Variants in ZFP91 observed in about 807,000 individuals in gnomAD.
ZFP91 encodes the protein ZFP91 zinc finger protein, atypical E3 ubiquitin ligase, also known as E3 ubiquitin-protein ligase ZFP91.
Under a neutral mutation model 63.5 loss-of-function variants are expected in ZFP91, and 7 were observed. That is an observed-to-expected ratio of 0.11 (90% CI 0.06 to 0.21). The LOEUF is 0.21. ZFP91 is among the 10% of genes least tolerant of loss of function. ZFP91 has a pLI of 1.00. For synonymous variants in ZFP91, 330 were observed against 272.1 expected (o/e 1.21, Z -2.10); for missense variants, 628 against 736.6 (o/e 0.85, Z 1.71).
At chr11:58,593,679 C>T (rs754274089) in intron 2 of ZFP91, among the ~76,000 whole-genome samples, 31 of 152,112 alleles carry the variant, frequency 2.0e-4, no homozygotes, top group Admixed American at 1.3e-4. Context: ...GTTTGTAGCC[C>T]GCCCTGTCCT....
intron 9 of ZFP91, among the ~76,000 whole-genome samples, chr11:58,615,855 C>T (rs1418467588): frequency 6.6e-6 from 1 of 152,162 alleles, no homozygotes; most frequent in Admixed American, 6.5e-5. Flanking sequence ...AACTTAAATT[C>T]ATGTTTTCAT....
At chr11:58,612,093 A>AGTGAAATTACTTCAGG in intron 6 of ZFP91, 185 bp from the exon 7 acceptor site, 1 of 627,822 alleles carries the variant, frequency 1.6e-6, no homozygotes. Flanking sequence ...CTGATTTGAA[A>AGTGAAATTACTTCAGG]GTGAAATTAC....
At chr11:58,584,770 C>T in intron 1 of ZFP91, 86 bp from the exon 2 acceptor site, 2 of 1,236,372 alleles carry the variant, frequency 1.6e-6, no homozygotes, top group South Asian at 1.5e-5. Flanking sequence ...TTCTTTATCA[C>T]TCTGGAGGTG....
At chr11:58,604,957 G>A (rs1032001631) in intron 2 of ZFP91, among the ~76,000 whole-genome samples, 4 of 152,174 alleles carry the variant, frequency 2.6e-5, no homozygotes, top group East Asian at 1.9e-4. Context: ...GTAAACTACC[G>A]ATAAGAATGG....
chr11:58,603,676 C>T (rs1010893902), intron 2 of ZFP91, among the ~76,000 whole-genome samples: 2 of 152,160 alleles, frequency 1.3e-5, no homozygotes, highest in African/African-American at 4.8e-5. Context: ...CCTGGGGCCA[C>T]GATGGCAGGG....
chr11:58,584,877 T>C lies in ZFP91; in HGVS notation c.363T>C (p.Thr121=). The change falls in exon 2 of 11, where the codon ACT becomes ACC. Residue 121 remains threonine (T), a synonymous_variant. Transcript: ENST00000316059. ...TCAGATGCATAGAAAAAGTAACAAC[T>C]GATAAAGGTAAGACTTGGTCATCCT... The part of the protein sequence containing the change: ...PRLLCIEKVT[T]DKDPKEEKEE... 6.5e-7 allele frequency: 1 copy of C among 1,530,180 alleles called. No individual in the cohort carries two copies. The highest frequency in any genetic ancestry group is 8.7e-7 in the Non-Finnish European group (1 of 1,147,818). 94.8% of individuals were successfully genotyped at this position (1,530,180 alleles called of 1,614,324 possible). A position where few individuals can be genotyped will look rare whatever the true frequency, so the allele number is the denominator to read the frequency against.
In ZFP91 at chr11:58,617,062, A is replaced by C; in HGVS notation, c.1203-134A>C. On this transcript the variant is annotated intron_variant, in intron 10 of 10. Transcript: ENST00000316059. This position sits in a 1 kb window ranked among gnomAD's most constrained non-coding sequence, Gnocchi z 4.2. ...CCCAATCCTTCAAAAGAAGTATGTT[A>C]CTGATTATTGTGTGTGTGTGTGTGT... is the stretch of plus-strand genomic sequence containing the variant. 1 of 857,660 alleles carries C rather than the reference A, an allele frequency of 1.2e-6. No homozygotes were observed. The highest frequency in any genetic ancestry group is 1.9e-5 in the South Asian group (1 of 52,096). 53.1% of individuals were successfully genotyped at this position (857,660 alleles called of 1,614,324 possible).
chr11:58,595,541 A>G (rs1855382666), intron 2 of ZFP91, among the ~76,000 whole-genome samples: 1 of 151,366 alleles, frequency 6.6e-6, no homozygotes, highest in South Asian at 2.1e-4. Context: ...TAGAAGAATT[A>G]GAAGAAAACA....
rs1855830594 is a variant in ZFP91, at chr11:58,620,490, T to C, written c.*2784T>C. 6.5e-6 allele frequency: 1 copy of C among 152,684 alleles called. No individual in the cohort carries two copies. Among genetic ancestry groups the C allele is most frequent in the Admixed American group, 6.5e-5 (1 of 15,286 alleles). The allele number at this position is 152,684 out of a possible 1,614,324, so 9.5% of individuals were successfully genotyped here. A position where few individuals can be genotyped will look rare whatever the true frequency, so the allele number is the denominator to read the frequency against. ...AGCTATTTAATATTTCTGGGAGATG[T>C]GCATCCCTCTTCTTTGTGGTTGCCC... is the stretch of plus-strand genomic sequence containing the variant. On this transcript the variant is annotated 3_prime_UTR_variant, in exon 11 of 11. Transcript: ENST00000316059.
chr11:58,611,789 G>A, intron 6 of ZFP91, 51 bp downstream of exon 6: 1 of 1,550,078 alleles, frequency 6.5e-7, no homozygotes, highest in Non-Finnish European at 8.7e-7. Context: ...TGAACGACTA[G>A]TGGAAAAAAG....
intron 1 of ZFP91, among the ~76,000 whole-genome samples, chr11:58,582,413 T>C (rs1200626749): frequency 6.6e-6 from 1 of 152,232 alleles, no homozygotes; most frequent in Non-Finnish European, 1.5e-5. Flanking sequence ...TATTCTGTAT[T>C]ACTTACTTGT....
intron 9 of ZFP91, 85 bp downstream of exon 9, chr11:58,614,428 A>G (rs547434813): frequency 2.1e-6 from 2 of 972,452 alleles, no homozygotes; most frequent in East Asian, 2.7e-5. Flanking sequence ...TTTCTAACAT[A>G]AGTCTTAAAA....
At chr11:58,581,929 G>A (rs1855124152) in intron 1 of ZFP91, among the ~76,000 whole-genome samples, 3 of 152,180 alleles carry the variant, frequency 2.0e-5, no homozygotes, top group Admixed American at 2.0e-4. Context: ...AAACAGTAGT[G>A]ACAATGGCAT....
At chr11:58,598,270 G>A (rs1855435927) in intron 2 of ZFP91, among the ~76,000 whole-genome samples, 2 of 152,028 alleles carry the variant, frequency 1.3e-5, no homozygotes, top group Admixed American at 1.3e-4. Context: ...TTACAGTAAT[G>A]TCATCAAATA....
chr11:58,601,071 T>A (rs571946678), intron 2 of ZFP91, among the ~76,000 whole-genome samples: 1 of 152,312 alleles, frequency 6.6e-6, no homozygotes, highest in South Asian at 2.1e-4. Flanking sequence ...GGCTTATGGT[T>A]TTTTGTGGTG....
chr11:58,612,136 A>G, intron 6 of ZFP91, 142 bp from the exon 7 acceptor site: 2 of 800,896 alleles, frequency 2.5e-6, no homozygotes, highest in South Asian at 1.9e-5. Context: ...GATTTGCCAG[A>G]TATATCTTTG....
At chr11:58,612,503 T>C (rs1172201739) in intron 7 of ZFP91, 175 bp downstream of exon 7, 4 of 665,208 alleles carry the variant, frequency 6.0e-6, no homozygotes, top group Admixed American at 3.1e-5. Flanking sequence ...TTGTAAGAGC[T>C]TGAAATTTCT....
rs1855813458 is a variant in ZFP91 at position 58,619,636 on chromosome 11, CAG to C, written c.*1935_*1936del. 6.6e-6 allele frequency: 1 copy of C among 152,576 alleles called. No individual in the cohort carries two copies. Among genetic ancestry groups the C allele is most frequent in the Non-Finnish European group, 1.5e-5 (1 of 68,032 alleles). The allele number at this position is 152,576 out of a possible 1,614,324, so 9.5% of individuals were successfully genotyped here. ...TGTCAGCATTTGGGATGCCAGGGAA[CAG>C]AGAGTGAGACACCTACAATCACCAG... On this transcript the variant is annotated 3_prime_UTR_variant, in exon 11 of 11. Transcript: ENST00000316059.
At chr11:58,583,897 A>G (rs1366550991) in intron 1 of ZFP91, among the ~76,000 whole-genome samples, 1 of 152,012 alleles carries the variant, frequency 6.6e-6, no homozygotes, top group African/African-American at 2.4e-5. Flanking sequence ...TCTTTACTAT[A>G]TTAGGTTTAC....
Sources: gnomAD v4.1 joint callset for allele counts (sites outside exome capture counted in the v4.1 genomes callset) on GRCh38, gnomAD v4.1.1 for gene constraint, Gnocchi (gnomAD v3.1) non-coding constraint, MANE v1.5 for transcripts, NCBI Gene and HGNC (gene_info 2026-07-23, HGNC 2026-07-21) for gene names.